Variants in ZNF425 observed in about 807,000 individuals in gnomAD.
ZNF425 encodes zinc finger protein 425.
In ZNF425, 21 loss-of-function variants were observed where a neutral mutation model predicts 17.0. The ratio of observed to expected loss-of-function variants is 1.23; its 90% CI spans 0.88 to 1.78. The LOEUF is 1.78. ZNF425 is among the 40% of genes most tolerant of loss of function. The pLI, the probability that ZNF425 is intolerant of heterozygous loss-of-function variation, is 0.00. For missense variants in ZNF425, 868 were observed against 967.3 expected, an observed-to-expected ratio of 0.90 and a Z score of 1.36; for synonymous variants, 433 against 384.1, an observed-to-expected ratio of 1.13 and a Z score of -1.49.
intron 2 of ZNF425, 179 bp from the exon 3 acceptor site, chr7:149,112,474 A>G: frequency 3.8e-6 from 2 of 526,114 alleles, no homozygotes; most frequent in Non-Finnish European, 6.7e-6. Context: ...CTCTACTAAA[A>G]TTACAAAAAT....
At chr7:149,110,773 T>G (rs1288183610) in intron 3 of ZNF425, among the ~76,000 whole-genome samples, 2 of 150,752 alleles carry the variant, frequency 1.3e-5, no homozygotes, top group East Asian at 4.0e-4. Context: ...CCTCTCAGGG[T>G]TTTGACAAAT....
At chr7:149,117,259 A>AAG (rs1486463877) in intron 2 of ZNF425, among the ~76,000 whole-genome samples, 1 of 151,898 alleles carries the variant, frequency 6.6e-6, no homozygotes. Context: ...TCAAAAAAAA[A>AAG]AAAGAAATGG....
intron 1 of ZNF425, chr7:149,125,961 C>T: frequency 1.2e-6 from 1 of 811,354 alleles, no homozygotes; most frequent in Non-Finnish European, 2.0e-6. Flanking sequence ...TGGCCGGGGC[C>T]ACAGACGCGC....
chr7:149,105,052 G>A lies in ZNF425; in HGVS notation c.819C>T (p.Pro273=). The part of the protein sequence containing the change: ...THQVVHTGQR[P]YPCPECDKTF... ...TCTTGTCGCACTCAGGGCATGGGTA[G>A]GGCCGCTGGCCGGTGTGGACAACCT... The change falls in exon 4 of 4, where the codon CCC becomes CCT. Residue 273 remains proline (P), a synonymous_variant. Transcript: ENST00000378061. 6.2e-7 allele frequency: 1 copy of A among 1,614,248 alleles called. No homozygotes were observed. Among genetic ancestry groups the A allele is most frequent in the Non-Finnish European group, 8.5e-7 (1 of 1,180,042 alleles).
rs770453141 is a variant in ZNF425 at position 149,104,684 on chromosome 7, A to G, written c.1187T>C (p.Ile396Thr). 2.5e-6 allele frequency: 4 copies of G among 1,613,830 alleles called. No homozygotes were observed. Among genetic ancestry groups the G allele is most frequent in the Non-Finnish European group, 3.4e-6 (4 of 1,180,032 alleles). Residue 396 changes from isoleucine to threonine, a missense_variant, in exon 4 of 4, where the codon ATC (isoleucine) becomes ACC (threonine). Around this residue, in one of 5 missense-constraint regions of ZNF425, gnomAD observed 243 missense variants for 265.2 expected, o/e 0.92. Transcript: ENST00000378061. The surrounding 1 kb of genome is among the most constrained non-coding windows in gnomAD (Gnocchi z 4.3). ...FSCGECGRKF[I>T]YKIKLDEHIR... is the part of the protein sequence containing the mutation. The stretch of plus-strand genomic sequence containing the variant: ...GTGCTCGTCCAGCTTAATCTTGTAG[A>G]TGAATTTCCTGCCACATTCACCACA...
chr7:149,107,238 T>C (rs1302387267), intron 3 of ZNF425, among the ~76,000 whole-genome samples: 1 of 151,976 alleles, frequency 6.6e-6, no homozygotes, highest in African/African-American at 2.4e-5. Flanking sequence ...AATATAAAAA[T>C]GACAGCTTAC....
intron 1 of ZNF425, among the ~76,000 whole-genome samples, chr7:149,123,880 C>T (rs1226176534): frequency 1.4e-5 from 2 of 143,930 alleles, no homozygotes; most frequent in Non-Finnish European, 3.0e-5. Flanking sequence ...CGGAGTCTCG[C>T]TCTTTCGCCC....
At chr7:149,106,209 TCCCAAAGTGCTGGGATTACAGGCATGA>T (rs1826080832) in intron 3 of ZNF425, among the ~76,000 whole-genome samples, 1 of 151,824 alleles carries the variant, frequency 6.6e-6, no homozygotes, top group Non-Finnish European at 1.5e-5. Context: ...CACCTCAGCC[TCCCAAAGTGCTGGGATTACAGGCATGA>T]GCCACCATGC....
At chr7:149,114,783 T>TAA (rs75085279) in intron 2 of ZNF425, among the ~76,000 whole-genome samples, 1 of 114,792 alleles carries the variant, frequency 8.7e-6, no homozygotes. Flanking sequence ...ACACTGTGAG[T>TAA]AAAAAAAAAA....
chr7:149,103,481 G>T lies in ZNF425; in HGVS notation c.*131C>A. 2 of 1,229,918 alleles carry T rather than the reference G, an allele frequency of 1.6e-6. No individual in the cohort carries two copies. The highest frequency in any genetic ancestry group is 2.2e-6 in the Non-Finnish European group (2 of 910,664). The allele number at this position is 1,229,918 out of a possible 1,614,324, so 76.2% of individuals were successfully genotyped here. On this transcript the variant is annotated 3_prime_UTR_variant, in exon 4 of 4. Transcript: ENST00000378061. ...GATCCTCCCACCTGGGCCTCCCAAAGTAATGGGATTACAGGCGGGAGCCAC... is the reference window on the plus strand; with the variant it reads ...GATCCTCCCACCTGGGCCTCCCAAATTAATGGGATTACAGGCGGGAGCCAC...
chr7:149,119,380 C>G (rs751971821), intron 1 of ZNF425, among the ~76,000 whole-genome samples: 2 of 152,132 alleles, frequency 1.3e-5, no homozygotes. Context: ...GCCACTACGC[C>G]TGGCCCAAAA....
At chr7:149,119,723 G>A (rs1176887144) in intron 1 of ZNF425, among the ~76,000 whole-genome samples, 1 of 152,052 alleles carries the variant, frequency 6.6e-6, no homozygotes, top group Non-Finnish European at 1.5e-5. Flanking sequence ...AGACCAGCCT[G>A]AGCAACATAG....
intron 2 of ZNF425, chr7:149,113,353 A>T (rs1380570067): frequency 6.6e-6 from 1 of 152,006 alleles, no homozygotes; most frequent in Non-Finnish European, 1.5e-5. Flanking sequence ...TTGAGATCAA[A>T]GTTAAGTCAA....
chr7:149,104,744 T>G lies in ZNF425; in HGVS notation c.1127A>C (p.His376Pro). 6.2e-7 allele frequency: 1 copy of G among 1,613,198 alleles called. No individual in the cohort carries two copies. Among genetic ancestry groups the G allele is most frequent in the Non-Finnish European group, 8.5e-7 (1 of 1,179,930 alleles). Residue 376 changes from histidine (H) to proline (P), a missense_variant, in exon 4 of 4, where the codon CAC becomes CCC. By Grantham distance (77) the His-to-Pro change is moderately conservative (BLOSUM62 -2). This residue lies in a region of ZNF425 where 243 missense variants were observed against 265.2 expected (regional missense o/e 0.92). Coordinates refer to ENST00000378061, the MANE Select transcript of ZNF425 (RefSeq NM_001001661.3). The surrounding 1 kb of genome is among the most constrained non-coding windows in gnomAD (Gnocchi z 4.3). ...CTTTTCCTCGCTGTGCGTCCTCTGGTGGGTCTTCAGGGCAGCCTTCCGGGA... is the reference window on the plus strand; with the variant it reads ...CTTTTCCTCGCTGTGCGTCCTCTGGGGGGTCTTCAGGGCAGCCTTCCGGGA... Reference protein sequence around the residue: ...SFSRKAALKTHQRTHSEEKPF... With the variant: ...SFSRKAALKTPQRTHSEEKPF...
At position 149,104,561 on chromosome 7, in the gene ZNF425, A is replaced by G. The variant is rs777401143; in HGVS notation, c.1310T>C (p.Ile437Thr). The G allele has an allele frequency of 3.1e-6, 5 of 1,612,616 alleles. No homozygotes were observed. The South Asian group carries it at 3.3e-5, about 11-fold the overall frequency. The change falls in exon 4 of 4, where the codon ATT becomes ACT. Residue 437 changes from isoleucine to threonine, a missense_variant. Transcript: ENST00000378061. This position sits in a 1 kb window ranked among gnomAD's most constrained non-coding sequence, Gnocchi z 4.3. Reference sequence around the variant, plus strand: ...CGGGCACTGGAAGGGCCGCTTCCCAATGTGCTGCAGCCCGTGGGCTTTCAG... The same window carrying G: ...CGGGCACTGGAAGGGCCGCTTCCCAGTGTGCTGCAGCCCGTGGGCTTTCAG... ...RSLKAHGLQH[I>T]GKRPFQCPEC...
At chr7:149,106,635 A>G (rs1023651924) in intron 3 of ZNF425, among the ~76,000 whole-genome samples, 1 of 152,206 alleles carries the variant, frequency 6.6e-6, no homozygotes, top group African/African-American at 2.4e-5. Flanking sequence ...ATCATATTTA[A>G]CTTTTATATT....
chr7:149,114,262 C>G (rs1490648679), intron 2 of ZNF425, among the ~76,000 whole-genome samples: 1 of 142,550 alleles, frequency 7.0e-6, no homozygotes, highest in African/African-American at 2.6e-5. Flanking sequence ...TTAGTAGAGA[C>G]GGGGTTTCAC....
At chr7:149,118,550 C>T (rs1826303367) in intron 1 of ZNF425, 4 of 596,054 alleles carry the variant, frequency 6.7e-6, no homozygotes, top group Non-Finnish European at 1.1e-5. Context: ...CAGTCGCTCA[C>T]GCCTGTAATC....
rs543965942 is a variant in ZNF425 at position 149,126,207 on chromosome 7, C to T, written c.7G>A (p.Glu3Lys). Residue 3 changes from glutamate to lysine, a missense_variant, in exon 1 of 4, where the codon GAG becomes AAG. Around this residue, in one of 5 missense-constraint regions of ZNF425, gnomAD observed 179 missense variants for 216.3 expected, o/e 0.83. Coordinates refer to ENST00000378061, the MANE Select transcript of ZNF425 (RefSeq NM_001001661.3). Reference protein sequence around the residue: MAEPASVTVTFDD... With the variant: MAKPASVTVTFDD... ...CCGGCCCTTCTTACCGAAGCCGGCT[C>T]GGCCATGGCGGTTCCGCACGAACCG... The T allele has an allele frequency of 1.1e-5, 18 of 1,612,114 alleles. No homozygotes were observed. The highest frequency in any genetic ancestry group is 8.0e-5 in the African/African-American group (6 of 75,038).
Sources: allele counts gnomAD v4.1 joint callset (sites outside exome capture counted in the v4.1 genomes callset), GRCh38; gene constraint gnomAD v4.1.1; regional missense constraint gnomAD v4.1.1; non-coding constraint Gnocchi (gnomAD v3.1); transcripts MANE v1.5; gene names NCBI Gene and HGNC (gene_info 2026-07-23, HGNC 2026-07-21).